Variants in KY observed in about 807,000 individuals in gnomAD.
The protein encoded by KY is kyphoscoliosis peptidase.
In KY, 43 loss-of-function variants were observed where a neutral mutation model predicts 76.1. That is an observed-to-expected ratio of 0.57 (90% CI 0.44 to 0.73). KY has a LOEUF of 0.73. KY is among the 30% of genes least tolerant of loss of function. The pLI, the probability that KY is intolerant of heterozygous loss-of-function variation, is 0.00. For missense variants in KY, 722 were observed against 828.9 expected (o/e 0.87, Z 1.58); for synonymous variants, 277 against 326.2 (o/e 0.85, Z 1.63).
intron 3 of KY, among the ~76,000 whole-genome samples, chr3:134,638,800 T>C (rs1460431260): frequency 2.6e-5 from 4 of 152,230 alleles, no homozygotes; most frequent in African/African-American, 7.2e-5. Context: ...AAAGGCCTAA[T>C]TGGCTCAGAA....
At chr3:134,645,863 T>C (rs1203846355) in intron 2 of KY, among the ~76,000 whole-genome samples, 1 of 152,238 alleles carries the variant, frequency 6.6e-6, no homozygotes, top group Non-Finnish European at 1.5e-5. Context: ...CTTTGTGTTT[T>C]GTGATATTTT....
rs574060669 is a variant in KY at position 134,607,881 on chromosome 3, G to T, written c.1090+768C>A. On this transcript the variant is annotated intron_variant, in intron 10 of 10. Coordinates refer to ENST00000423778, the MANE Select transcript of KY (RefSeq NM_178554.6). ...GGGGTACTGAGCCAGCCAGGCAGAG[G>T]TGCTGGAGCTTGGCCCTCATCCAGG... is the stretch of plus-strand genomic sequence containing the variant. 5 of 991,190 alleles carry T rather than the reference G, an allele frequency of 5.0e-6. 1 individual carries two copies. The Admixed American group carries it at 1.7e-4, about 34-fold the overall frequency. 61.4% of individuals were successfully genotyped at this position (991,190 alleles called of 1,614,324 possible). A position where few individuals can be genotyped will look rare whatever the true frequency, so the allele number is the denominator to read the frequency against.
chr3:134,613,360 G>A (rs1382377506), intron 8 of KY, among the ~76,000 whole-genome samples: 1 of 152,172 alleles, frequency 6.6e-6, no homozygotes. Context: ...AGGCAAGATT[G>A]GAAAAACCAA....
Position 134,610,385 on chromosome 3 carries a change from T to A in KY, c.711-2A>T, listed in dbSNP as rs778925066. 2.5e-6 allele frequency: 4 copies of A among 1,609,938 alleles called. No homozygotes were observed. Among genetic ancestry groups the A allele is most frequent in the Non-Finnish European group, 3.4e-6 (4 of 1,178,042 alleles). Reference sequence around the variant, plus strand: ...GTCATACACTGCACTCCGGCGAGCCTGGGGGCAGGACAGGGGGTCTGAGAG... The same window carrying A: ...GTCATACACTGCACTCCGGCGAGCCAGGGGGCAGGACAGGGGGTCTGAGAG... On this transcript the variant is annotated splice_acceptor_variant, in intron 8 of 10. Transcript: ENST00000423778. LOFTEE classifies it high-confidence loss of function.
rs1308795411 is a variant in KY at position 134,610,219 on chromosome 3, GTGTCCACCAGGCCGCTGCCCCAGGTGC to G, written c.848_874del (p.Ser283_Asp291del). ...CAGGAAGGTGAATTTGGAGGTGATG[GTGTCCACCAGGCCGCTGCCCCAGGTGC>G]TGTCCACCAGGTGCCATCTTCCCTC... On this transcript the variant is annotated inframe_deletion, in exon 9 of 11. Coordinates refer to ENST00000423778, the MANE Select transcript of KY (RefSeq NM_178554.6). The G allele has an allele frequency of 6.2e-7, 1 of 1,613,356 alleles. No homozygotes were observed. The highest frequency in any genetic ancestry group is 8.5e-7 in the Non-Finnish European group (1 of 1,179,690).
chr3:134,608,916 C>T lies in KY; in HGVS notation c.900-77G>A, dbSNP rs1258460058. ...GGCCCAATACACCCACCGGAGTGGT[C>T]CTATGGACACCCTGGATGGGAAGAG... On this transcript the variant is annotated intron_variant, in intron 9 of 10. Transcript: ENST00000423778. 38 of 1,490,894 alleles carry T rather than the reference C, an allele frequency of 2.5e-5. 1 individual carries two copies. The East Asian group carries it at 8.8e-4, about 34-fold the overall frequency. 92.4% of individuals were successfully genotyped at this position (1,490,894 alleles called of 1,614,324 possible).
chr3:134,601,355 G>A lies in KY; in HGVS notation c.*2224C>T, dbSNP rs1292977094. 6.6e-6 allele frequency among the ~76,000 whole-genome samples: 1 copy of A among 152,142 alleles called. No homozygotes were observed. ...CCTATTTTGCTGGGTGGCATTCTCT[G>A]CAATGCTCCAGGATGTATTGATTAA... On this transcript the variant is annotated 3_prime_UTR_variant, in exon 11 of 11. Coordinates refer to ENST00000423778, the MANE Select transcript of KY (RefSeq NM_178554.6).
At chr3:134,616,046 A>C (rs1031628671) in intron 8 of KY, among the ~76,000 whole-genome samples, 1 of 152,216 alleles carries the variant, frequency 6.6e-6, no homozygotes, top group Admixed American at 6.5e-5. Flanking sequence ...CGGGAAGAGA[A>C]TTTACTGGAG....
rs996332792 is a variant in KY at position 134,607,365 on chromosome 3, C to T, written c.1090+1284G>A. On this transcript the variant is annotated intron_variant, in intron 10 of 10. Transcript: ENST00000423778. ...CTAACTTGGGGACACCTGTGCTCCC[C>T]GCTGCCCCATTGCCCTGCAATGTGG... 1.5e-4 allele frequency: 150 copies of T among 985,414 alleles called. 2 individuals are homozygous for T. Among genetic ancestry groups the T allele is most frequent in the East Asian group, 2.3e-4 (2 of 8,822 alleles). The allele number at this position is 985,414 out of a possible 1,614,324, so 61.0% of individuals were successfully genotyped here. A position where few individuals can be genotyped will look rare whatever the true frequency, so the allele number is the denominator to read the frequency against.
chr3:134,619,371 C>T (rs1456494182), intron 7 of KY, 106 bp from the exon 8 acceptor site: 2 of 818,824 alleles, frequency 2.4e-6, no homozygotes, highest in Non-Finnish European at 4.3e-6. Flanking sequence ...CAGGAAACTA[C>T]AGTGGGCTGA....
chr3:134,643,999 G>A (rs984758034), intron 2 of KY, among the ~76,000 whole-genome samples: 7 of 152,078 alleles, frequency 4.6e-5, no homozygotes, highest in African/African-American at 1.7e-4. Flanking sequence ...CTAATTTTTT[G>A]TATTTTTAGT....
intron 10 of KY, among the ~76,000 whole-genome samples, chr3:134,605,969 G>A (rs1959189204): frequency 6.6e-6 from 1 of 152,136 alleles, no homozygotes; most frequent in South Asian, 2.1e-4. Flanking sequence ...TTGTCTACAT[G>A]CTTTCTCTAC....
intron 3 of KY, among the ~76,000 whole-genome samples, chr3:134,637,877 T>C (rs938929473): frequency 1.3e-4 from 20 of 152,178 alleles, no homozygotes; most frequent in African/African-American, 4.6e-4. Flanking sequence ...CAGGGCAGGG[T>C]GTTGAGGTGG....
intron 3 of KY, among the ~76,000 whole-genome samples, chr3:134,638,032 C>G (rs530434245): frequency 6.6e-6 from 1 of 152,302 alleles, no homozygotes; most frequent in East Asian, 1.9e-4. Context: ...GGTTCTCCCC[C>G]AAAGCTGTGC....
intron 8 of KY, among the ~76,000 whole-genome samples, chr3:134,611,108 T>C (rs1303533008): frequency 1.3e-5 from 2 of 152,224 alleles, no homozygotes; most frequent in African/African-American, 2.4e-5. Context: ...ATTTGCTGAC[T>C]GCCTGCCCTG....
chr3:134,607,691 G>A (rs1034236247), intron 10 of KY: 13 of 985,610 alleles, frequency 1.3e-5, no homozygotes, highest in Admixed American at 1.2e-4. Context: ...GGCAGCCCCC[G>A]TATGCCTCAG....
At chr3:134,606,110 G>A (rs1959192140) in intron 10 of KY, among the ~76,000 whole-genome samples, 1 of 152,100 alleles carries the variant, frequency 6.6e-6, no homozygotes, top group African/African-American at 2.4e-5. Flanking sequence ...AGCTCAGTGG[G>A]CAGAAGCTAC....
At chr3:134,606,863 G>T in intron 10 of KY, 1 of 935,116 alleles carries the variant, frequency 1.1e-6, no homozygotes, top group Non-Finnish European at 1.3e-6. Context: ...CTAGAGCCTG[G>T]CAGCTTTCCA....
At chr3:134,608,619 C>T (rs1231112109) in intron 10 of KY, 30 bp downstream of exon 10, 2 of 1,613,852 alleles carry the variant, frequency 1.2e-6, no homozygotes, top group Non-Finnish European at 1.7e-6. Context: ...ATTCCTGCTG[C>T]TAGCACACTG....
Sources: allele counts gnomAD v4.1 joint callset (sites outside exome capture counted in the v4.1 genomes callset), GRCh38; gene constraint gnomAD v4.1.1; transcripts MANE v1.5; gene names NCBI Gene and HGNC (gene_info 2026-07-23, HGNC 2026-07-21).